GNAS-AS1: variants seen among roughly 807,000 people sequenced by gnomAD.
The protein encoded by GNAS-AS1 is GNAS antisense RNA 1 (non-protein coding).
chr20:58,838,967 G>A, intron 4 of GNAS-AS1: 2 of 397,696 alleles, frequency 5.0e-6, no homozygotes, highest in Non-Finnish European at 8.9e-6. Flanking sequence ...GCTGTAAGGG[G>A]CCTCCAGTGA....
intron 2 of GNAS-AS1, among the ~76,000 whole-genome samples, chr20:58,845,013 G>T (rs528989258): frequency 2.1e-5 from 3 of 144,388 alleles, no homozygotes; most frequent in Admixed American, 7.1e-5. Flanking sequence ...CATCCTGAGA[G>T]TCGTATTTAG....
intron 4 of GNAS-AS1, among the ~76,000 whole-genome samples, chr20:58,830,634 G>GCCACACCC (rs1568900750): frequency 3.0e-5 from 1 of 33,326 alleles, no homozygotes; most frequent in Non-Finnish European, 6.3e-5. Context: ...CACCACCACC[G>GCCACACCC]CCACACCACC....
intron 4 of GNAS-AS1, among the ~76,000 whole-genome samples, chr20:58,819,554 A>G (rs2085471320): frequency 6.6e-6 from 1 of 152,154 alleles, no homozygotes; most frequent in South Asian, 2.1e-4. Context: ...TGGAGTCCCA[A>G]TCTCCAAGGC....
At chr20:58,842,099 G>A (rs2085758384) in exon 4 of GNAS-AS1, 3 of 402,186 alleles carry the variant, frequency 7.5e-6, no homozygotes, top group Non-Finnish European at 1.3e-5. Context: ...TTTCAGCACG[G>A]GTAGAGTTAA....
chr20:58,839,143 T>C (rs796369862), intron 4 of GNAS-AS1: 23 of 398,522 alleles, frequency 5.8e-5, no homozygotes, highest in African/African-American at 4.5e-4. Context: ...CTTGCAGACT[T>C]GCAAACTACT....
At chr20:58,824,624 T>A (rs2085508012) in intron 4 of GNAS-AS1, among the ~76,000 whole-genome samples, 1 of 152,222 alleles carries the variant, frequency 6.6e-6, no homozygotes. Context: ...TGTGACCCTA[T>A]GCAGCCCAAC....
intron 4 of GNAS-AS1, among the ~76,000 whole-genome samples, chr20:58,827,179 A>G (rs545574444): frequency 1.3e-3 from 195 of 152,196 alleles, no homozygotes; most frequent in African/African-American, 4.5e-3. Flanking sequence ...CTGAAGTTCA[A>G]CTTTTCTTGA....
chr20:58,843,318 CG>C (rs541884545), intron 2 of GNAS-AS1: 17 of 152,116 alleles, frequency 1.1e-4, no homozygotes, highest in Admixed American at 1.1e-3. Flanking sequence ...TACCAACCCC[CG>C]AGGAAAGCAC....
rs1157657737 is a variant in GNAS-AS1 at position 58,840,527 on chromosome 20, C to A, written n.819+1410G>T. 6.2e-7 allele frequency: 1 copy of A among 1,613,592 alleles called. No homozygotes were observed. Among genetic ancestry groups the A allele is most frequent in the Non-Finnish European group, 8.5e-7 (1 of 1,179,998 alleles). ...CCCCACCACTGAGCCCGAGACCGAG[C>A]CTGAAGACGATCGCGGCCCGGTGGT... On this transcript the variant is annotated intron_variant and non_coding_transcript_variant, in intron 4 of 4. Transcript: ENST00000424094. This position sits in a 1 kb window ranked among gnomAD's most constrained non-coding sequence, Gnocchi z 6.0.
intron 4 of GNAS-AS1, chr20:58,839,681 G>A: frequency 2.2e-6 from 1 of 462,242 alleles, no homozygotes; most frequent in South Asian, 5.6e-5. Flanking sequence ...CCTCCTTACT[G>A]CACATGCCCG....
intron 2 of GNAS-AS1, among the ~76,000 whole-genome samples, chr20:58,847,401 A>G (rs997810907): frequency 1.3e-5 from 2 of 152,240 alleles, no homozygotes; most frequent in Admixed American, 1.3e-4. Flanking sequence ...CAAGGCGGGC[A>G]GAGGAGAGTC....
intron 1 of GNAS-AS1, among the ~76,000 whole-genome samples, chr20:58,850,211 T>A (rs76190170): frequency 0.035 from 5,374 of 152,254 alleles, 128 homozygotes; most frequent in African/African-American, 0.061. Flanking sequence ...CAGCAAGACT[T>A]TCAAGGTCCC....
chr20:58,830,611 A>ACCACCG (rs2085561687), intron 4 of GNAS-AS1, among the ~76,000 whole-genome samples: 2 of 9,114 alleles, frequency 2.2e-4, no homozygotes, highest in Non-Finnish European at 5.0e-4. Flanking sequence ...CACCATCACC[A>ACCACCG]CCACACCACC....
chr20:58,824,161 C>T (rs1189797618), intron 4 of GNAS-AS1: 1 of 398,308 alleles, frequency 2.5e-6, no homozygotes, highest in African/African-American at 2.1e-5. Context: ...CCAAAACTGC[C>T]AGGGGTGAAA....
In GNAS-AS1 at chr20:58,841,464, C is replaced by T; in HGVS notation, n.819+473G>A. On this transcript the variant is annotated intron_variant and non_coding_transcript_variant, in intron 4 of 4. Coordinates refer to ENST00000424094, the Ensembl canonical transcript of GNAS-AS1. The surrounding 1 kb of genome is among the most constrained non-coding windows in gnomAD (Gnocchi z 5.0). ...ACGCGCGCGCGGCGCCTAAGCAGCTCAGAGCCGGAGCCCAGGTCCCAGAGC... is the reference window on the plus strand; with the variant it reads ...ACGCGCGCGCGGCGCCTAAGCAGCTTAGAGCCGGAGCCCAGGTCCCAGAGC... 1.0e-6 allele frequency: 1 copy of T among 992,320 alleles called. No homozygotes were observed. The highest frequency in any genetic ancestry group is 1.2e-6 in the Non-Finnish European group (1 of 834,408). The allele number at this position is 992,320 out of a possible 1,614,324, so 61.5% of individuals were successfully genotyped here.
chr20:58,838,934 A>AC, intron 4 of GNAS-AS1: 1 of 397,432 alleles, frequency 2.5e-6, no homozygotes, highest in East Asian at 3.6e-5. Flanking sequence ...AAAAAAAAAA[A>AC]AAAAAAACCT....
At chr20:58,839,400 C>G in intron 4 of GNAS-AS1, 1 of 399,598 alleles carries the variant, frequency 2.5e-6, no homozygotes. Flanking sequence ...ATTTGGGGTT[C>G]TGGGTTTTTA....
chr20:58,823,752 T>A (rs1398746923), intron 4 of GNAS-AS1, among the ~76,000 whole-genome samples: 1 of 152,160 alleles, frequency 6.6e-6, no homozygotes, highest in Non-Finnish European at 1.5e-5. Context: ...GACTTGGCAA[T>A]GGGGGAAATC....
At chr20:58,843,130 G>C (rs1414652771) in intron 2 of GNAS-AS1, among the ~76,000 whole-genome samples, 2 of 151,934 alleles carry the variant, frequency 1.3e-5, no homozygotes, top group African/African-American at 4.8e-5. Context: ...CTCGCCATCT[G>C]CATTACAGCC....
Sources: allele counts gnomAD v4.1 joint callset (sites outside exome capture counted in the v4.1 genomes callset), GRCh38; gene constraint gnomAD v4.1.1; non-coding constraint Gnocchi (gnomAD v3.1); transcripts MANE v1.5; gene names NCBI Gene and HGNC (gene_info 2026-07-23, HGNC 2026-07-21).